Variants in IL1RAPL1 observed in about 807,000 individuals in gnomAD.
IL1RAPL1 encodes the protein interleukin-1 receptor accessory protein-like 1.
IL1RAPL1 carries 3 observed loss-of-function variants against 48.4 expected under a neutral mutation model. That is an observed-to-expected ratio of 0.06 (90% confidence interval 0.03 to 0.16). The LOEUF is 0.16. Ranked by LOEUF, IL1RAPL1 falls within the 10% of genes least tolerant of loss-of-function variation. The pLI is 1.00. For missense variants in IL1RAPL1, 349 were observed against 530.6 expected (o/e 0.66, Z 3.36); for synonymous variants, 185 against 187.7 (o/e 0.99, Z 0.12).
chrX:29,537,549 G>A (rs1921274587), intron 5 of IL1RAPL1, among the ~76,000 whole-genome samples: 1 of 104,292 alleles, frequency 9.6e-6, no homozygotes, highest in Admixed American at 1.1e-4. Context: ...ACTACCTGAT[G>A]ATAAAATGCA....
intron 3 of IL1RAPL1, among the ~76,000 whole-genome samples, chrX:29,342,698 A>C (rs1048150487): frequency 8.9e-6 from 1 of 112,262 alleles, no homozygotes; most frequent in African/African-American, 3.2e-5. Flanking sequence ...TTGCTTTTCT[A>C]ATTATTTATC....
intron 2 of IL1RAPL1, chrX:28,983,032 T>C (rs1925380591): frequency 9.0e-6 from 1 of 111,551 alleles, no homozygotes. Context: ...TGCATTCAAC[T>C]ATAATTTCAT....
At chrX:28,947,315 G>A (rs775673811) in intron 2 of IL1RAPL1, among the ~76,000 whole-genome samples, 1 of 111,801 alleles carries the variant, frequency 8.9e-6, no homozygotes, top group African/African-American at 3.2e-5. Context: ...TTCCCCATTA[G>A]AGTTGATTCA....
At chrX:29,782,809 C>G (rs1929378209) in intron 6 of IL1RAPL1, among the ~76,000 whole-genome samples, 1 of 105,961 alleles carries the variant, frequency 9.4e-6, no homozygotes, top group South Asian at 4.2e-4. Context: ...CTATAAAGAT[C>G]TCTGACTGAG....
At chrX:29,835,841 A>G (rs186828422) in intron 6 of IL1RAPL1, among the ~76,000 whole-genome samples, 3 of 100,818 alleles carry the variant, frequency 3.0e-5, no homozygotes, top group Non-Finnish European at 6.0e-5. Flanking sequence ...TATCAATTGT[A>G]ATGTCTCCTT....
At chrX:28,732,642 C>T (rs1024859091) in intron 1 of IL1RAPL1, among the ~76,000 whole-genome samples, 2 of 111,287 alleles carry the variant, frequency 1.8e-5, no homozygotes, top group Non-Finnish European at 3.8e-5. Context: ...GAGGCCGAGG[C>T]GGGTGGATCA....
At chrX:29,247,064 T>G (rs1287771805) in intron 2 of IL1RAPL1, among the ~76,000 whole-genome samples, 1 of 112,161 alleles carries the variant, frequency 8.9e-6, no homozygotes, top group Non-Finnish European at 1.9e-5. Flanking sequence ...AATGATATAT[T>G]CATATCTAAG....
chrX:28,798,569 ACATAGT>A (rs1190177501), intron 2 of IL1RAPL1, among the ~76,000 whole-genome samples: 2 of 112,111 alleles, frequency 1.8e-5, no homozygotes, highest in African/African-American at 6.5e-5. Flanking sequence ...ATGTAATATG[ACATAGT>A]CATATGCTTC....
At chrX:28,623,536 C>T (rs1249654352) in intron 1 of IL1RAPL1, among the ~76,000 whole-genome samples, 2 of 111,313 alleles carry the variant, frequency 1.8e-5, no homozygotes, top group Non-Finnish European at 3.8e-5. Flanking sequence ...CAAACAGCAG[C>T]GATGTTTAAA....
rs757910356 is a variant in IL1RAPL1 at position 28,726,639 on chromosome X, A to G, written c.-24-62681A>G. Among the ~76,000 whole-genome samples, 12 of 112,341 alleles carry G rather than the reference A, an allele frequency of 1.1e-4. No homozygotes were observed. The South Asian group carries it at 4.0e-3, about 38-fold the overall frequency. ...TAATAAATGATACTTACTGAGTGCT[A>G]CCACACCCAGGCACTATTCAATTCA... On this transcript the variant is annotated intron_variant, in intron 1 of 10. Coordinates refer to ENST00000378993, the MANE Select transcript of IL1RAPL1 (RefSeq NM_014271.4).
intron 5 of IL1RAPL1, among the ~76,000 whole-genome samples, chrX:29,607,054 A>G (rs999718267): frequency 1.8e-5 from 2 of 112,200 alleles, no homozygotes; most frequent in African/African-American, 3.2e-5. Context: ...GAAAATAATG[A>G]CTATCACTGA....
At chrX:29,261,627 T>G (rs1046478106) in intron 2 of IL1RAPL1, among the ~76,000 whole-genome samples, 2 of 111,118 alleles carry the variant, frequency 1.8e-5, no homozygotes, top group South Asian at 7.7e-4. Flanking sequence ...AATCCACCTT[T>G]TTAAAAAAAT....
intron 3 of IL1RAPL1, among the ~76,000 whole-genome samples, chrX:29,300,296 C>T (rs1426342730): frequency 1.8e-5 from 2 of 110,663 alleles, no homozygotes; most frequent in Admixed American, 9.6e-5. Context: ...GGTGGACATC[C>T]GGCACCTAAC....
chrX:29,851,966 T>C (rs182155183), intron 6 of IL1RAPL1, among the ~76,000 whole-genome samples: 60 of 112,920 alleles, frequency 5.3e-4, no homozygotes, highest in African/African-American at 1.8e-3. Context: ...AACATAGTGA[T>C]GCTCTTAAAG....
chrX:29,768,126 T>C (rs1928961418), intron 6 of IL1RAPL1, among the ~76,000 whole-genome samples: 1 of 112,008 alleles, frequency 8.9e-6, no homozygotes, highest in Non-Finnish European at 1.9e-5. Context: ...TATTTCTTTA[T>C]AGTATATTGA....
intron 1 of IL1RAPL1, among the ~76,000 whole-genome samples, chrX:28,617,335 G>A (rs905830815): frequency 9.0e-6 from 1 of 110,950 alleles, no homozygotes; most frequent in South Asian, 3.8e-4. Context: ...CCCTACTTTC[G>A]CCATACTGTT....
intron 9 of IL1RAPL1, among the ~76,000 whole-genome samples, chrX:29,953,983 C>A (rs1168731369): frequency 9.0e-6 from 1 of 110,710 alleles, no homozygotes; most frequent in Non-Finnish European, 1.9e-5. Flanking sequence ...CGCCTGTAAT[C>A]CCAGCACTTT....
intron 5 of IL1RAPL1, among the ~76,000 whole-genome samples, chrX:29,410,460 CAAA>C (rs751676116): frequency 2.2e-5 from 2 of 89,777 alleles, no homozygotes; most frequent in Non-Finnish European, 2.2e-5. Context: ...GACTCTGTGT[CAAA>C]AAAAAAAAAA....
chrX:28,801,030 C>T lies in IL1RAPL1; in HGVS notation c.82+11605C>T, dbSNP rs187571077. On this transcript the variant is annotated intron_variant, in intron 2 of 10. Coordinates refer to ENST00000378993, the MANE Select transcript of IL1RAPL1 (RefSeq NM_014271.4). ...CTGAGTAGCTGAGATTACAGGCACC[C>T]GCCACCATGCCCAGCTAATTTTTGT... Among the ~76,000 whole-genome samples, 592 of 109,266 alleles carry T rather than the reference C, an allele frequency of 5.4e-3. 4 individuals are homozygous for T. The highest frequency in any genetic ancestry group is 0.018 in the African/African-American group (554 of 30,023). 94.9% of individuals were successfully genotyped at this position (109,266 alleles called of 115,157 possible).
Sources: allele counts gnomAD v4.1 joint callset (sites outside exome capture counted in the v4.1 genomes callset), GRCh38; gene constraint gnomAD v4.1.1; transcripts MANE v1.5; gene names NCBI Gene and HGNC (gene_info 2026-07-23, HGNC 2026-07-21).